WWOX: variants seen among roughly 807,000 people sequenced by gnomAD.
The protein encoded by WWOX is WW domain containing oxidoreductase.
In WWOX, 69 loss-of-function variants were observed where a neutral mutation model predicts 46.2. The ratio of observed to expected loss-of-function variants is 1.49; its 90% CI spans 1.23 to 1.82. The LOEUF is 1.82. Among genes scored for constraint, WWOX ranks in the 40% most tolerant of loss-of-function variants. WWOX has a pLI of 0.00. For synonymous variants in WWOX, 359 were observed against 202.6 expected, an observed-to-expected ratio of 1.77 and a Z score of -6.56; for missense variants, 919 against 542.6, an observed-to-expected ratio of 1.69 and a Z score of -6.89.
rs149062905 is a variant in WWOX, at chr16:78,703,883, A to T, written c.1056+271131A>T. ...TCTGAACTATGACTCTGATCTTCTC[A>T]ATCTCTCAGTGGGAAAGAGTTTTGG... On this transcript the variant is annotated intron_variant, in intron 8 of 8. Coordinates refer to ENST00000566780, the MANE Select transcript of WWOX (RefSeq NM_016373.4). Among the ~76,000 whole-genome samples the T allele has an allele frequency of 3.2e-3, 485 of 152,154 alleles. 1 individual carries two copies. The highest frequency in any genetic ancestry group is 0.011 in the African/African-American group (469 of 41,510).
Position 78,913,702 on chromosome 16 carries a change from C to T in WWOX, c.1057-297906C>T, listed in dbSNP as rs193195475. 4.5e-3 allele frequency among the ~76,000 whole-genome samples: 682 copies of T among 151,428 alleles called. 6 individuals carry two copies. Among genetic ancestry groups the T allele is most frequent in the African/African-American group, 0.016 (647 of 41,356 alleles). Reference sequence around the variant, plus strand: ...TTAGTGACTGGGTCTTGCTATGTTGCCCAGACTTGGGTGCAATGGTGCCAT... The same window carrying T: ...TTAGTGACTGGGTCTTGCTATGTTGTCCAGACTTGGGTGCAATGGTGCCAT... On this transcript the variant is annotated intron_variant, in intron 8 of 8. Coordinates refer to ENST00000566780, the MANE Select transcript of WWOX (RefSeq NM_016373.4).
chr16:79,170,164 T>C (rs1597441953), intron 8 of WWOX, among the ~76,000 whole-genome samples: 2 of 152,342 alleles, frequency 1.3e-5, no homozygotes, highest in African/African-American at 4.8e-5. Flanking sequence ...AGTCTAACCA[T>C]GTTTTTCCAG....
intron 5 of WWOX, among the ~76,000 whole-genome samples, chr16:78,280,007 G>A (rs892548206): frequency 2.6e-5 from 4 of 152,234 alleles, no homozygotes; most frequent in Non-Finnish European, 5.9e-5. Context: ...CTGATCCTCT[G>A]CAAAAGTCAT....
At chr16:78,635,525 C>T (rs964584565) in intron 8 of WWOX, among the ~76,000 whole-genome samples, 4 of 152,074 alleles carry the variant, frequency 2.6e-5, no homozygotes, top group African/African-American at 4.8e-5. Context: ...TACTTTCTGG[C>T]GGGTGGGGAG....
chr16:78,513,100 A>G (rs917711923), intron 8 of WWOX, among the ~76,000 whole-genome samples: 2 of 152,210 alleles, frequency 1.3e-5, no homozygotes, highest in Admixed American at 6.5e-5. Context: ...GGAGATTCCA[A>G]CTGGTTTGTA....
intron 8 of WWOX, chr16:78,890,958 G>C (rs2151227712): frequency 6.6e-6 from 1 of 152,230 alleles, no homozygotes; most frequent in East Asian, 1.9e-4. Flanking sequence ...CACTGTTTGA[G>C]GATATAAAAG....
chr16:78,736,798 T>G (rs192883144), intron 8 of WWOX, among the ~76,000 whole-genome samples: 43 of 152,244 alleles, frequency 2.8e-4, no homozygotes, highest in African/African-American at 9.1e-4. Context: ...TTTTAGACAC[T>G]GAGTCTCACC....
intron 4 of WWOX, among the ~76,000 whole-genome samples, chr16:78,163,228 C>T (rs921487569): frequency 3.3e-5 from 5 of 152,164 alleles, no homozygotes; most frequent in African/African-American, 9.7e-5. Flanking sequence ...GTATCTTCCT[C>T]CAGAGAACAT....
At chr16:78,948,067 C>T (rs569782760) in intron 8 of WWOX, among the ~76,000 whole-genome samples, 5 of 152,306 alleles carry the variant, frequency 3.3e-5, no homozygotes, top group East Asian at 1.9e-4. Flanking sequence ...CAGCCTGTGC[C>T]GTCAGAGAGA....
intron 8 of WWOX, among the ~76,000 whole-genome samples, chr16:78,437,425 T>C (rs1230481592): frequency 6.6e-6 from 1 of 152,250 alleles, no homozygotes; most frequent in South Asian, 2.1e-4. Context: ...TACACATTTC[T>C]AATTGTTGCT....
chr16:79,039,199 T>G (rs1473317410), intron 8 of WWOX, among the ~76,000 whole-genome samples: 1 of 152,196 alleles, frequency 6.6e-6, no homozygotes, highest in East Asian at 1.9e-4. Context: ...CCCAGGACTT[T>G]GCGTTGCAGT....
At chr16:78,556,523 A>G (rs1473979345) in intron 8 of WWOX, among the ~76,000 whole-genome samples, 3 of 152,092 alleles carry the variant, frequency 2.0e-5, no homozygotes, top group Non-Finnish European at 2.9e-5. Context: ...TTAGAGTACA[A>G]TTATAAAGTA....
intron 8 of WWOX, among the ~76,000 whole-genome samples, chr16:79,032,006 T>C (rs2047771024): frequency 6.9e-6 from 1 of 144,366 alleles, no homozygotes; most frequent in Admixed American, 7.0e-5. Flanking sequence ...TGGGCTGTTA[T>C]TAGGTAGACT....
chr16:78,373,297 C>T (rs552683911), intron 5 of WWOX, among the ~76,000 whole-genome samples: 2 of 152,308 alleles, frequency 1.3e-5, no homozygotes, highest in South Asian at 4.1e-4. Flanking sequence ...CTCTGATTGA[C>T]AGTTGGCTTT....
At chr16:78,212,694 T>A (rs2036594540) in intron 5 of WWOX, among the ~76,000 whole-genome samples, 1 of 152,172 alleles carries the variant, frequency 6.6e-6, no homozygotes, top group Non-Finnish European at 1.5e-5. Context: ...AGGATAGATA[T>A]TGCCCCTTGG....
chr16:78,955,512 T>G (rs1052909797), intron 8 of WWOX, among the ~76,000 whole-genome samples: 10 of 152,218 alleles, frequency 6.6e-5, no homozygotes, highest in African/African-American at 2.2e-4. Flanking sequence ...TCACCTCGTG[T>G]AAGCACACCA....
chr16:78,219,129 T>A (rs528536944), intron 5 of WWOX, among the ~76,000 whole-genome samples: 9 of 152,164 alleles, frequency 5.9e-5, no homozygotes, highest in African/African-American at 2.2e-4. Context: ...CCCTCCTACA[T>A]GATAGAGACT....
At chr16:78,471,993 G>T (rs2084233692) in intron 8 of WWOX, among the ~76,000 whole-genome samples, 1 of 151,914 alleles carries the variant, frequency 6.6e-6, no homozygotes, top group Non-Finnish European at 1.5e-5. Flanking sequence ...TAATTCCAAT[G>T]TTTCACTTTA....
chr16:79,052,405 T>G (rs1392218276), intron 8 of WWOX, among the ~76,000 whole-genome samples: 8 of 152,212 alleles, frequency 5.3e-5, no homozygotes, highest in Non-Finnish European at 4.4e-5. Context: ...TTCCATGGTG[T>G]ATATGTGCCA....
Sources: gnomAD v4.1 joint callset for allele counts (sites outside exome capture counted in the v4.1 genomes callset) on GRCh38, gnomAD v4.1.1 for gene constraint, MANE v1.5 for transcripts, NCBI Gene and HGNC (gene_info 2026-07-23, HGNC 2026-07-21) for gene names.